TDRD1: variants seen among roughly 807,000 people sequenced by gnomAD.
TDRD1 encodes the protein tudor domain containing 1, also known as tudor domain-containing protein 1.
TDRD1 carries 37 observed loss-of-function variants against 140.6 expected under a neutral mutation model. The ratio of observed to expected loss-of-function variants is 0.26; its 90% confidence interval spans 0.20 to 0.35. The LOEUF is 0.35. Among genes scored for constraint, TDRD1 ranks in the 10% least tolerant of loss-of-function variants. TDRD1 has a pLI of 1.00. For synonymous variants in TDRD1, 506 were observed against 475.7 expected, an observed-to-expected ratio of 1.06 and a Z score of -0.83; for missense variants, 1,243 against 1,393.0, an observed-to-expected ratio of 0.89 and a Z score of 1.71.
chr10:114,184,297 A>G (rs992434178), intron 1 of TDRD1, among the ~76,000 whole-genome samples: 1 of 152,120 alleles, frequency 6.6e-6, no homozygotes. Context: ...ATTGGCCTGC[A>G]AATAACAGCT....
chr10:114,220,973 A>G (rs1330177173), intron 19 of TDRD1, 130 bp downstream of exon 19: 2 of 615,344 alleles, frequency 3.3e-6, no homozygotes, highest in African/African-American at 3.7e-5. Context: ...TAGTAGGTTA[A>G]TATTGTATTA....
At chr10:114,181,178 A>T (rs1434000993) in intron 1 of TDRD1, among the ~76,000 whole-genome samples, 1 of 152,240 alleles carries the variant, frequency 6.6e-6, no homozygotes, top group Non-Finnish European at 1.5e-5. Flanking sequence ...TAATTCTGAG[A>T]AAATGAGGTA....
chr10:114,183,224 T>C (rs189598846), intron 1 of TDRD1, among the ~76,000 whole-genome samples: 2 of 152,134 alleles, frequency 1.3e-5, no homozygotes, highest in African/African-American at 4.8e-5. Flanking sequence ...TATGAAAGAC[T>C]CTCGGGTGTA....
At chr10:114,188,070 A>G in exon 2 of TDRD1, 2 of 1,614,070 alleles carry the variant, frequency 1.2e-6, no homozygotes, top group South Asian at 2.2e-5. Flanking sequence ...TTGGCTAGTC[A>G]GGAAGACAAT....
At chr10:114,215,770 A>T (rs1252362167) in intron 16 of TDRD1, among the ~76,000 whole-genome samples, 1 of 152,210 alleles carries the variant, frequency 6.6e-6, no homozygotes, top group South Asian at 2.1e-4. Flanking sequence ...TTATACAAAC[A>T]TAATATAAAA....
chr10:114,214,222 C>T (rs1250724859), intron 16 of TDRD1, 108 bp downstream of exon 16: 6 of 913,562 alleles, frequency 6.6e-6, no homozygotes, highest in Non-Finnish European at 8.3e-6. Flanking sequence ...CCAAGAAGAG[C>T]CAAGTGGTAT....
chr10:114,220,575 G>A, exon 19 of TDRD1: 1 of 1,610,568 alleles, frequency 6.2e-7, no homozygotes, highest in Non-Finnish European at 8.5e-7. Context: ...TAGATATACA[G>A]TCTAGAAACA....
upstream of TDRD1, among the ~76,000 whole-genome samples, chr10:114,176,259 T>A (rs2032694392): frequency 6.6e-6 from 1 of 151,286 alleles, no homozygotes; most frequent in Non-Finnish European, 1.5e-5. This position sits in a 1 kb window ranked among gnomAD's most constrained non-coding sequence, Gnocchi z 4.2. Flanking sequence ...GAAGTATTCC[T>A]GCCGGGGGAT....
At chr10:114,207,687 T>G (rs924847928) in intron 11 of TDRD1, among the ~76,000 whole-genome samples, 1 of 151,556 alleles carries the variant, frequency 6.6e-6, no homozygotes. Flanking sequence ...GCCTGCAACA[T>G]GGAGTGAGGA....
chr10:114,209,824 C>T (rs1400474023), intron 11 of TDRD1, among the ~76,000 whole-genome samples: 2 of 152,168 alleles, frequency 1.3e-5, no homozygotes, highest in Non-Finnish European at 2.9e-5. Context: ...GTGTTTAAAA[C>T]AATGAAGTCA....
chr10:114,206,615 T>G (rs1055722542), intron 11 of TDRD1, among the ~76,000 whole-genome samples: 10 of 149,214 alleles, frequency 6.7e-5, no homozygotes, highest in East Asian at 5.8e-4. Context: ...GGGTTTGTTT[T>G]TTTTTTTTTT....
intron 4 of TDRD1, among the ~76,000 whole-genome samples, chr10:114,200,619 G>C (rs187663647): frequency 0.014 from 2,084 of 152,156 alleles, 45 homozygotes; most frequent in African/African-American, 0.047. Context: ...TGCCTCCTGG[G>C]TTCAGGCGAT....
intron 25 of TDRD1, among the ~76,000 whole-genome samples, chr10:114,230,814 G>A (rs1343654050): frequency 6.6e-6 from 1 of 152,182 alleles, no homozygotes; most frequent in Non-Finnish European, 1.5e-5. Context: ...TGTAATCCCA[G>A]CACTTTTGGG....
chr10:114,227,568 C>T (rs79795368), intron 23 of TDRD1, among the ~76,000 whole-genome samples: 2,997 of 152,274 alleles, frequency 0.02, 59 homozygotes, highest in South Asian at 0.14. Context: ...AGGCATTCTG[C>T]GTGCTTCTTA....
At chr10:114,217,410 T>C (rs2035879059) in intron 16 of TDRD1, 135 bp from the exon 17 acceptor site, 2 of 501,206 alleles carry the variant, frequency 4.0e-6, no homozygotes, top group East Asian at 3.5e-5. Context: ...AGGAAAAGCA[T>C]TGGGTAGACT....
chr10:114,225,964 T>C (rs1406902090), intron 21 of TDRD1, 85 bp from the exon 22 acceptor site: 9 of 1,161,506 alleles, frequency 7.7e-6, no homozygotes, highest in Non-Finnish European at 1.0e-5. Flanking sequence ...TTTTAAGTGA[T>C]GTAAATATAA....
chr10:114,230,241 T>G (rs2036682158), intron 25 of TDRD1, among the ~76,000 whole-genome samples: 1 of 152,222 alleles, frequency 6.6e-6, no homozygotes, highest in Non-Finnish European at 1.5e-5. Context: ...AAACTTAAAG[T>G]GAAATTTCAT....
intron 21 of TDRD1, among the ~76,000 whole-genome samples, chr10:114,224,672 G>T (rs2036334120): frequency 6.6e-6 from 1 of 151,924 alleles, no homozygotes; most frequent in Non-Finnish European, 1.5e-5. Flanking sequence ...AATTTCAATA[G>T]CTTTTTTTGT....
At chr10:114,231,741 T>C (rs2036768852) in exon 26 of TDRD1, 1 of 502,382 alleles carries the variant, frequency 2.0e-6, no homozygotes, top group Non-Finnish European at 3.4e-6. Flanking sequence ...ATGAGAATAC[T>C]GGCAAGGAAT....
Sources: allele counts gnomAD v4.1 joint callset (sites outside exome capture counted in the v4.1 genomes callset), GRCh38; gene constraint gnomAD v4.1.1; non-coding constraint Gnocchi (gnomAD v3.1); transcripts MANE v1.5; gene names NCBI Gene and HGNC (gene_info 2026-07-23, HGNC 2026-07-21).